Variants in PHACTR3 observed in about 807,000 individuals in gnomAD.
PHACTR3 encodes the protein phosphatase and actin regulator 3, also known as protein phosphatase 1, regulatory subunit 123.
A neutral mutation model predicts 66.8 loss-of-function variants in PHACTR3; 16 were observed. That is an observed-to-expected ratio of 0.24 (90% CI 0.16 to 0.36). The LOEUF (loss-of-function observed/expected upper bound fraction) is 0.36. PHACTR3 is among the 10% of genes least tolerant of loss of function. PHACTR3 has a pLI of 1.00. For synonymous variants in PHACTR3, 323 were observed against 292.1 expected, an observed-to-expected ratio of 1.11 and a Z score of -1.08; for missense variants, 647 against 719.9, an observed-to-expected ratio of 0.90 and a Z score of 1.16.
At chr20:59,723,042 CTTTTTCTTTCTTTCTTTCTCTT>C (rs1173354177) in intron 1 of PHACTR3, among the ~76,000 whole-genome samples, 10 of 150,160 alleles carry the variant, frequency 6.7e-5, no homozygotes, top group Admixed American at 2.0e-4. Flanking sequence ...ATTTATTTCT[CTTTTTCTTTCTTTCTTTCTCTT>C]TCTTTCTTTC....
chr20:59,762,086 G>A (rs920370567), intron 4 of PHACTR3, among the ~76,000 whole-genome samples: 1 of 152,254 alleles, frequency 6.6e-6, no homozygotes, highest in Non-Finnish European at 1.5e-5. Context: ...GGGGAGGAGG[G>A]AGGGAGAGAG....
chr20:59,709,668 G>A (rs779752599), intron 1 of PHACTR3, among the ~76,000 whole-genome samples: 17 of 152,140 alleles, frequency 1.1e-4, no homozygotes, highest in African/African-American at 1.4e-4. Flanking sequence ...CACCTACTTG[G>A]GAGTAGGAAT....
intron 7 of PHACTR3, among the ~76,000 whole-genome samples, chr20:59,799,587 G>T (rs1600677339): frequency 6.6e-6 from 1 of 152,054 alleles, no homozygotes; most frequent in African/African-American, 2.4e-5. Flanking sequence ...TGACATTAAT[G>T]TGCCCATTTC....
intron 1 of PHACTR3, among the ~76,000 whole-genome samples, chr20:59,687,425 A>G (rs957236273): frequency 2.0e-5 from 3 of 152,170 alleles, no homozygotes; most frequent in Non-Finnish European, 4.4e-5. Flanking sequence ...GAAGAAAGGT[A>G]GGGCGCAGGA....
intron 7 of PHACTR3, among the ~76,000 whole-genome samples, chr20:59,797,319 G>A (rs144444487): frequency 1.3e-4 from 20 of 150,820 alleles, no homozygotes; most frequent in African/African-American, 4.9e-4. Context: ...CTTCTCATGC[G>A]ATTCATAAAG....
chr20:59,694,995 C>G (rs1664577020), intron 1 of PHACTR3, among the ~76,000 whole-genome samples: 1 of 152,142 alleles, frequency 6.6e-6, no homozygotes, highest in African/African-American at 2.4e-5. Flanking sequence ...TGTGAACTCT[C>G]TGCAAACTAG....
At chr20:59,840,453 T>G in intron 10 of PHACTR3, 23 bp downstream of exon 10, 1 of 1,611,492 alleles carries the variant, frequency 6.2e-7, no homozygotes, top group Non-Finnish European at 8.5e-7. Flanking sequence ...TTTTATTGCC[T>G]GAATAATAAA....
intron 8 of PHACTR3, among the ~76,000 whole-genome samples, chr20:59,817,025 C>G (rs2041905729): frequency 6.6e-6 from 1 of 152,170 alleles, no homozygotes; most frequent in Non-Finnish European, 1.5e-5. Flanking sequence ...GCAACTGTCT[C>G]AGCACGCACA....
At chr20:59,721,789 A>G (rs117337712) in intron 1 of PHACTR3, among the ~76,000 whole-genome samples, 4,232 of 152,300 alleles carry the variant, frequency 0.028, 74 homozygotes, top group Middle Eastern at 0.048. Flanking sequence ...TTTGCTATCA[A>G]CTGAAATGTA....
At chr20:59,824,969 C>A (rs1198562211) in intron 8 of PHACTR3, among the ~76,000 whole-genome samples, 1 of 152,210 alleles carries the variant, frequency 6.6e-6, no homozygotes, top group Non-Finnish European at 1.5e-5. Context: ...CAACAGCAGC[C>A]CAGTTCTACT....
chr20:59,651,838 T>A (rs1378231314), intron 1 of PHACTR3, among the ~76,000 whole-genome samples: 1 of 123,260 alleles, frequency 8.1e-6, no homozygotes, highest in Non-Finnish European at 1.6e-5. Context: ...GGTAGGTAGG[T>A]AGGTAGGTAG....
intron 1 of PHACTR3, among the ~76,000 whole-genome samples, chr20:59,730,875 G>A (rs1051449655): frequency 2.6e-5 from 4 of 152,240 alleles, no homozygotes; most frequent in African/African-American, 7.2e-5. Context: ...TGTGTGGCCC[G>A]CAAAGCCTCA....
intron 1 of PHACTR3, among the ~76,000 whole-genome samples, chr20:59,640,428 G>A (rs930225789): frequency 1.4e-4 from 22 of 152,132 alleles, no homozygotes; most frequent in African/African-American, 5.1e-4. Context: ...AGATGCCCCT[G>A]GGGCCAGGCG....
chr20:59,578,030 G>A (rs953270581), intron 1 of PHACTR3, among the ~76,000 whole-genome samples: 1 of 152,240 alleles, frequency 6.6e-6, no homozygotes, highest in Non-Finnish European at 1.5e-5. Context: ...GGACAGCGCT[G>A]GCCACCCAAG....
At chr20:59,713,989 T>C (rs1353544612) in intron 1 of PHACTR3, among the ~76,000 whole-genome samples, 1 of 152,230 alleles carries the variant, frequency 6.6e-6, no homozygotes, top group Non-Finnish European at 1.5e-5. Context: ...GTTTAATTGG[T>C]ATTTCCTTGA....
At chr20:59,744,999 C>T (rs574003241) in intron 2 of PHACTR3, among the ~76,000 whole-genome samples, 16 of 152,300 alleles carry the variant, frequency 1.1e-4, no homozygotes, top group African/African-American at 1.4e-4. Context: ...TGCACACACA[C>T]GGCACTAATG....
chr20:59,713,270 A>T (rs1026669973), intron 1 of PHACTR3, among the ~76,000 whole-genome samples: 12 of 152,240 alleles, frequency 7.9e-5, no homozygotes, highest in African/African-American at 2.9e-4. Context: ...TCCTGGACAT[A>T]TCTGGTACTT....
intron 5 of PHACTR3, 113 bp from the exon 6 acceptor site, chr20:59,773,166 C>T (rs1303987699): frequency 3.2e-6 from 4 of 1,256,072 alleles, no homozygotes; most frequent in South Asian, 1.4e-5. Context: ...AGTTGGGGCC[C>T]CTCCTGGAGG....
At chr20:59,832,880 C>A (rs2042425822) in intron 8 of PHACTR3, among the ~76,000 whole-genome samples, 2 of 152,224 alleles carry the variant, frequency 1.3e-5, no homozygotes, top group Admixed American at 6.5e-5. Flanking sequence ...CAGATTAGAG[C>A]CTAGTCTGAA....
Sources: gnomAD v4.1 joint callset for allele counts (sites outside exome capture counted in the v4.1 genomes callset) on GRCh38, gnomAD v4.1.1 for gene constraint, MANE v1.5 for transcripts, NCBI Gene and HGNC (gene_info 2026-07-23, HGNC 2026-07-21) for gene names.